MACC1: variants seen among roughly 807,000 people sequenced by gnomAD.
MACC1 encodes metastasis-associated in colon cancer protein 1.
In MACC1, 79 loss-of-function variants were observed where a neutral mutation model predicts 70.7. That is an observed-to-expected ratio of 1.12 (90% CI 0.93 to 1.35). The LOEUF (loss-of-function observed/expected upper bound fraction) is 1.35. Among genes scored for constraint, MACC1 ranks in the 40% most tolerant of loss-of-function variants. The pLI is 0.00. For synonymous variants in MACC1, 361 were observed against 347.2 expected, an observed-to-expected ratio of 1.04 and a Z score of -0.44; for missense variants, 1,106 against 978.1, an observed-to-expected ratio of 1.13 and a Z score of -1.74.
chr7:20,162,758 C>T (rs565630766), intron 3 of MACC1, among the ~76,000 whole-genome samples: 19 of 152,206 alleles, frequency 1.2e-4, no homozygotes, highest in African/African-American at 3.8e-4. Context: ...ATCACTATCT[C>T]ATCCTGTGCA....
intron 2 of MACC1, among the ~76,000 whole-genome samples, chr7:20,166,993 A>G (rs1342199211): frequency 2.0e-5 from 3 of 152,236 alleles, no homozygotes; most frequent in Admixed American, 1.3e-4. Flanking sequence ...AAGAAAAGGT[A>G]TAAAGGACTC....
At chr7:20,178,050 C>T (rs1471013483) in intron 1 of MACC1, among the ~76,000 whole-genome samples, 1 of 151,824 alleles carries the variant, frequency 6.6e-6, no homozygotes, top group Non-Finnish European at 1.5e-5. Context: ...TCAATAGCTC[C>T]TCTTGTTCCC....
At chr7:20,163,591 C>A (rs1222497223) in intron 3 of MACC1, among the ~76,000 whole-genome samples, 1 of 152,206 alleles carries the variant, frequency 6.6e-6, no homozygotes, top group South Asian at 2.1e-4. Flanking sequence ...ACTATTGAAA[C>A]AGATGAATCA....
intron 1 of MACC1, among the ~76,000 whole-genome samples, chr7:20,214,453 A>G (rs1405080318): frequency 1.3e-5 from 2 of 152,086 alleles, no homozygotes; most frequent in Non-Finnish European, 2.9e-5. Context: ...ACCAATTGCC[A>G]CCTGAACTAC....
chr7:20,154,476 G>C, intron 5 of MACC1, 95 bp from the exon 6 acceptor site: 1 of 1,277,042 alleles, frequency 7.8e-7, no homozygotes, highest in Non-Finnish European at 1.1e-6. Flanking sequence ...ACAAATGGGA[G>C]TCCTTTTTTT....
Position 20,140,120 on chromosome 7 carries a change from A to T in MACC1, c.*826T>A, listed in dbSNP as rs1373896005. 1 of 152,216 alleles carries T rather than the reference A, an allele frequency of 6.6e-6. No individual in the cohort carries two copies. Among genetic ancestry groups the T allele is most frequent in the Non-Finnish European group, 1.5e-5 (1 of 68,042 alleles). 9.4% of individuals were successfully genotyped at this position (152,216 alleles called of 1,614,324 possible). A position where few individuals can be genotyped will look rare whatever the true frequency, so the allele number is the denominator to read the frequency against. On this transcript the variant is annotated 3_prime_UTR_variant, in exon 7 of 7. Coordinates refer to ENST00000400331, the MANE Select transcript of MACC1 (RefSeq NM_182762.4). Reference sequence around the variant, plus strand: ...AAACACTAGGTCCATGCATGCAGACAACAGATTTCTGATAAGTCATATTTT... The same window carrying T: ...AAACACTAGGTCCATGCATGCAGACTACAGATTTCTGATAAGTCATATTTT...
chr7:20,180,458 A>G (rs1413835886), intron 1 of MACC1, among the ~76,000 whole-genome samples: 1 of 152,114 alleles, frequency 6.6e-6, no homozygotes, highest in Non-Finnish European at 1.5e-5. Context: ...AGGAAAAAAA[A>G]AAGAAAAAAA....
At chr7:20,155,154 T>A (rs1782037359) in intron 5 of MACC1, among the ~76,000 whole-genome samples, 1 of 152,150 alleles carries the variant, frequency 6.6e-6, no homozygotes, top group Admixed American at 6.6e-5. Flanking sequence ...GTACCATTTT[T>A]AAAATATGGG....
intron 5 of MACC1, among the ~76,000 whole-genome samples, chr7:20,156,395 C>A (rs1382716559): frequency 1.3e-5 from 2 of 152,086 alleles, no homozygotes; most frequent in Non-Finnish European, 2.9e-5. Context: ...AATTATCATA[C>A]CCCAAAATAT....
chr7:20,197,347 A>G (rs537392618), intron 1 of MACC1, among the ~76,000 whole-genome samples: 63 of 152,244 alleles, frequency 4.1e-4, no homozygotes, highest in African/African-American at 1.2e-3. Flanking sequence ...GTGTTTGCCT[A>G]TTCCCTTGGA....
chr7:20,189,034 C>T (rs536623473), intron 1 of MACC1, among the ~76,000 whole-genome samples: 8 of 152,176 alleles, frequency 5.3e-5, no homozygotes, highest in African/African-American at 1.7e-4. Flanking sequence ...ACACAGCAGG[C>T]ATGTTCTTGC....
chr7:20,167,561 A>C (rs1010985298), intron 2 of MACC1, among the ~76,000 whole-genome samples: 2 of 151,492 alleles, frequency 1.3e-5, no homozygotes, highest in Non-Finnish European at 2.9e-5. Context: ...CAAGATTATA[A>C]AGCTACTAAG....
chr7:20,172,921 C>A (rs545516200), intron 1 of MACC1, among the ~76,000 whole-genome samples: 44 of 152,312 alleles, frequency 2.9e-4, no homozygotes, highest in African/African-American at 9.1e-4. Flanking sequence ...TCAGAGTTGT[C>A]CCCACAGCAC....
intron 1 of MACC1, among the ~76,000 whole-genome samples, chr7:20,212,898 A>C (rs1783019031): frequency 6.6e-6 from 1 of 152,100 alleles, no homozygotes; most frequent in Non-Finnish European, 1.5e-5. Context: ...GCGGAAGAAT[A>C]CTAGCGGGAG....
rs1268588915 is a variant in MACC1 at position 20,136,819 on chromosome 7, TTAAAGA to T, written c.*4121_*4126del. 6.6e-6 allele frequency: 1 copy of T among 150,534 alleles called. No individual in the cohort carries two copies. Among genetic ancestry groups the T allele is most frequent in the Non-Finnish European group, 1.5e-5 (1 of 67,684 alleles). 9.3% of individuals were successfully genotyped at this position (150,534 alleles called of 1,614,324 possible). On this transcript the variant is annotated 3_prime_UTR_variant, in exon 7 of 7. Coordinates refer to ENST00000400331, the MANE Select transcript of MACC1 (RefSeq NM_182762.4). ...TGCGATTAAGGATTATTATTAATTC[TTAAAGA>T]TTAAGATTATTATTAATTATTAATT...
At chr7:20,189,090 TC>T (rs1782634194) in intron 1 of MACC1, among the ~76,000 whole-genome samples, 1 of 152,180 alleles carries the variant, frequency 6.6e-6, no homozygotes, top group Admixed American at 6.5e-5. Flanking sequence ...AAACACTCTT[TC>T]CCCTGATATG....
At chr7:20,161,306 G>A (rs1782135598) in intron 4 of MACC1, among the ~76,000 whole-genome samples, 2 of 151,974 alleles carry the variant, frequency 1.3e-5, no homozygotes, top group African/African-American at 4.8e-5. Flanking sequence ...ATGTTTTTAA[G>A]TGTTATATGC....
At chr7:20,196,144 C>G (rs1323750460) in intron 1 of MACC1, among the ~76,000 whole-genome samples, 2 of 151,786 alleles carry the variant, frequency 1.3e-5, no homozygotes, top group Non-Finnish European at 2.9e-5. Context: ...GTTTCCAAGG[C>G]TTAGCTTTTA....
At position 20,164,297 on chromosome 7, in the gene MACC1, C is replaced by T. The variant is rs1782181066; in HGVS notation, c.-50G>A. The T allele has an allele frequency of 6.6e-6, 1 of 152,196 alleles. No individual in the cohort carries two copies. Among genetic ancestry groups the T allele is most frequent in the East Asian group, 1.9e-4 (1 of 5,208 alleles). The allele number at this position is 152,196 out of a possible 1,614,324, so 9.4% of individuals were successfully genotyped here. ...TGTGTGTTGACCACATCTCGTTCAC[C>T]TGTGACCCCTCCTTCTTTATTGTTA... is the stretch of plus-strand genomic sequence containing the variant. On this transcript the variant is annotated 5_prime_UTR_variant, in exon 3 of 7. Transcript: ENST00000400331.
Sources: allele counts gnomAD v4.1 joint callset (sites outside exome capture counted in the v4.1 genomes callset), GRCh38; gene constraint gnomAD v4.1.1; transcripts MANE v1.5; gene names NCBI Gene and HGNC (gene_info 2026-07-23, HGNC 2026-07-21).